COL19A1: variants seen among roughly 807,000 people sequenced by gnomAD.
COL19A1 encodes the protein collagen alpha-1(XIX) chain.
In COL19A1, 159 loss-of-function variants were observed where a neutral mutation model predicts 190.2. The observed-to-expected ratio is 0.84, with a 90% CI of 0.73 to 0.95. The LOEUF (loss-of-function observed/expected upper bound fraction) is 0.95. Ranked by LOEUF, COL19A1 falls within the 40% of genes least tolerant of loss-of-function variation. COL19A1 has a pLI of 0.00. For missense variants in COL19A1, 1,418 were observed against 1,431.9 expected, an observed-to-expected ratio of 0.99 and a Z score of 0.16; for synonymous variants, 509 against 458.9, an observed-to-expected ratio of 1.11 and a Z score of -1.39.
intron 11 of COL19A1, among the ~76,000 whole-genome samples, chr6:69,983,373 A>G (rs921543105): frequency 6.6e-6 from 1 of 152,174 alleles, no homozygotes; most frequent in Non-Finnish European, 1.5e-5. Context: ...ACCTTGCTTT[A>G]TTAACTAATT....
At chr6:69,945,351 A>G (rs1026244149) in intron 9 of COL19A1, among the ~76,000 whole-genome samples, 21 of 151,924 alleles carry the variant, frequency 1.4e-4, no homozygotes, top group African/African-American at 4.8e-4. Flanking sequence ...CTGCCCTCCA[A>G]TCCCACTATA....
intron 16 of COL19A1, among the ~76,000 whole-genome samples, chr6:70,116,501 A>G (rs1448614968): frequency 2.6e-5 from 4 of 152,182 alleles, no homozygotes; most frequent in African/African-American, 7.2e-5. Context: ...ACTATACTCA[A>G]TGTAAATGTG....
At chr6:69,946,318 A>G (rs190632522) in intron 9 of COL19A1, among the ~76,000 whole-genome samples, 1 of 152,116 alleles carries the variant, frequency 6.6e-6, no homozygotes, top group East Asian at 1.9e-4. Context: ...TTATGAACAT[A>G]TTTTGGTTTA....
intron 36 of COL19A1, among the ~76,000 whole-genome samples, chr6:70,165,739 GA>G (rs1246741994): frequency 6.6e-6 from 1 of 152,168 alleles, no homozygotes; most frequent in African/African-American, 2.4e-5. Context: ...ATGGGTATGG[GA>G]AAAGACCTTT....
chr6:69,978,228 C>T (rs1273173937), intron 11 of COL19A1, among the ~76,000 whole-genome samples: 1 of 151,824 alleles, frequency 6.6e-6, no homozygotes, highest in Admixed American at 6.6e-5. Context: ...TACACGTATA[C>T]ATATAGATAC....
rs376655597 is a variant in COL19A1 at position 70,116,978 on chromosome 6, A to G, written c.1279-4902A>G. Among the ~76,000 whole-genome samples, 6 of 152,330 alleles carry G rather than the reference A, an allele frequency of 3.9e-5. No homozygotes were observed. The South Asian group carries it at 1.0e-3, about 26-fold the overall frequency. ...AGGAGATTGAAGAGCTATGGTGCAT[A>G]AGTGGCATCTGGATGGCTCAAGGAG... On this transcript the variant is annotated intron_variant, in intron 16 of 50. Transcript: ENST00000620364.
At chr6:70,105,459 A>T (rs1350674418) in intron 16 of COL19A1, among the ~76,000 whole-genome samples, 1 of 152,148 alleles carries the variant, frequency 6.6e-6, no homozygotes, top group East Asian at 1.9e-4. Context: ...CCTGGCCAGT[A>T]TTCACTATTT....
At chr6:70,091,099 C>T (rs1392036581) in intron 15 of COL19A1, among the ~76,000 whole-genome samples, 1 of 152,152 alleles carries the variant, frequency 6.6e-6, no homozygotes, top group Non-Finnish European at 1.5e-5. Flanking sequence ...TATTTCCTAT[C>T]ACTATCCAAA....
chr6:70,103,494 G>GGAT lies in COL19A1; in HGVS notation c.1278+1273_1278+1275dup, dbSNP rs376668920. Among the ~76,000 whole-genome samples, 396 of 152,182 alleles carry GGAT rather than the reference G, an allele frequency of 2.6e-3. 1 individual carries two copies. Among genetic ancestry groups the GGAT allele is most frequent in the African/African-American group, 8.8e-3 (364 of 41,530 alleles). On this transcript the variant is annotated intron_variant, in intron 16 of 50. Coordinates refer to ENST00000620364, the MANE Select transcript of COL19A1 (RefSeq NM_001858.6). ...CGCTTCTTTTTTCTTCAAGAAAGAT[G>GGAT]GATTCCACATCCTCTACATGCCATT...
At chr6:70,145,552 G>A (rs144023508) in intron 25 of COL19A1, among the ~76,000 whole-genome samples, 44 of 152,180 alleles carry the variant, frequency 2.9e-4, no homozygotes, top group African/African-American at 9.6e-4. Flanking sequence ...GGGAGGCAAG[G>A]TTGAAAAACT....
chr6:69,896,941 C>A (rs1218571781), intron 2 of COL19A1, among the ~76,000 whole-genome samples: 1 of 152,094 alleles, frequency 6.6e-6, no homozygotes, highest in South Asian at 2.1e-4. Flanking sequence ...TATGGCTTGA[C>A]TTTTTACTCT....
At chr6:69,960,084 G>C in intron 10 of COL19A1, 44 bp downstream of exon 10, 1 of 1,548,902 alleles carries the variant, frequency 6.5e-7, no homozygotes, top group African/African-American at 1.4e-5. Flanking sequence ...GAATTTTAAC[G>C]TGTTAAAAAT....
chr6:69,965,356 C>A (rs1160816598), intron 11 of COL19A1, among the ~76,000 whole-genome samples: 1 of 152,106 alleles, frequency 6.6e-6, no homozygotes, highest in Non-Finnish European at 1.5e-5. Flanking sequence ...TAAAATACTA[C>A]CTGATATTTT....
chr6:70,102,842 G>A (rs916300975), intron 16 of COL19A1, among the ~76,000 whole-genome samples: 1 of 152,084 alleles, frequency 6.6e-6, no homozygotes, highest in Non-Finnish European at 1.5e-5. Flanking sequence ...AACAATCTCT[G>A]CATTGCAGAT....
chr6:70,152,172 T>C (rs1787105277), intron 31 of COL19A1, among the ~76,000 whole-genome samples: 1 of 152,104 alleles, frequency 6.6e-6, no homozygotes, highest in Non-Finnish European at 1.5e-5. Flanking sequence ...GGCCCTTGAC[T>C]TCATACTCAA....
At chr6:70,037,243 C>T (rs1046603881) in intron 14 of COL19A1, among the ~76,000 whole-genome samples, 1 of 152,062 alleles carries the variant, frequency 6.6e-6, no homozygotes, top group African/African-American at 2.4e-5. Context: ...GCAACCTCCG[C>T]CTCCCGGGTT....
At chr6:69,870,968 T>G (rs1359337249) in intron 1 of COL19A1, among the ~76,000 whole-genome samples, 2 of 152,166 alleles carry the variant, frequency 1.3e-5, no homozygotes, top group African/African-American at 4.8e-5. Flanking sequence ...TAACTTGAGT[T>G]CCTAAATTAA....
At chr6:69,967,043 G>A (rs1435931635) in intron 11 of COL19A1, among the ~76,000 whole-genome samples, 2 of 152,174 alleles carry the variant, frequency 1.3e-5, no homozygotes, top group African/African-American at 4.8e-5. Flanking sequence ...TGTCACTCAA[G>A]TTCTAACTTG....
chr6:70,197,897 A>G (rs936958673), intron 48 of COL19A1, among the ~76,000 whole-genome samples: 4 of 152,206 alleles, frequency 2.6e-5, no homozygotes, highest in African/African-American at 9.7e-5. Flanking sequence ...AATGCTCTAT[A>G]GCTATTGGGG....
Sources: allele counts gnomAD v4.1 joint callset (sites outside exome capture counted in the v4.1 genomes callset), GRCh38; gene constraint gnomAD v4.1.1; transcripts MANE v1.5; gene names NCBI Gene and HGNC (gene_info 2026-07-23, HGNC 2026-07-21).